CNIH3: variants seen among roughly 807,000 people sequenced by gnomAD.
CNIH3 encodes the protein cornichon family AMPA receptor auxiliary protein 3, also known as protein cornichon homolog 3.
CNIH3 carries 14 observed loss-of-function variants against 24.1 expected under a neutral mutation model. The ratio of observed to expected loss-of-function variants is 0.58; its 90% CI spans 0.38 to 0.91. The LOEUF is 0.91. Among genes scored for constraint, CNIH3 ranks in the 40% least tolerant of loss-of-function variants. CNIH3 has a pLI of 0.00. For missense variants in CNIH3, 178 were observed against 196.8 expected (o/e 0.90, Z 0.57); for synonymous variants, 68 against 73.8 (o/e 0.92, Z 0.40).
chr1:224,458,407 G>A lies in CNIH3; in HGVS notation n.203+23545G>A, dbSNP rs543038125. Among the ~76,000 whole-genome samples, 1 of 152,330 alleles carries A rather than the reference G, an allele frequency of 6.6e-6. No homozygotes were observed. Among genetic ancestry groups the A allele is most frequent in the African/African-American group, 2.4e-5 (1 of 41,570 alleles). On this transcript the variant is annotated intron_variant and non_coding_transcript_variant, in intron 1 of 5. Transcript: ENST00000471578. This position sits in a 1 kb window ranked among gnomAD's most constrained non-coding sequence, Gnocchi z 4.3. ...CCCCGTCCCTCATCCTACCAGGTGT[G>A]AGGCTGCCAGGAGCCGATCGCACAA...
At chr1:224,442,313 G>A (rs1349082659) in intron 1 of CNIH3, among the ~76,000 whole-genome samples, 2 of 152,070 alleles carry the variant, frequency 1.3e-5, no homozygotes, top group Non-Finnish European at 2.9e-5. Flanking sequence ...TCTCTTACTG[G>A]GGTTTGTATC....
intron 2 of CNIH3, among the ~76,000 whole-genome samples, chr1:224,524,964 T>C (rs1342122075): frequency 1.3e-5 from 2 of 152,168 alleles, no homozygotes; most frequent in African/African-American, 4.8e-5. Flanking sequence ...TGTTAGACTA[T>C]AGGATATAAA....
intron 1 of CNIH3, among the ~76,000 whole-genome samples, chr1:224,670,451 G>A (rs1053884500): frequency 1.2e-4 from 18 of 152,148 alleles, no homozygotes; most frequent in African/African-American, 4.1e-4. Context: ...ATCCTTTTGT[G>A]GAGTCTGTTA....
At position 224,699,629 on chromosome 1, in the gene CNIH3, G is replaced by T. The variant is rs141451952; in HGVS notation, c.198+14786G>T. 2.2e-3 allele frequency among the ~76,000 whole-genome samples: 339 copies of T among 152,250 alleles called. 1 individual carries two copies. Among genetic ancestry groups the T allele is most frequent in the African/African-American group, 7.7e-3 (318 of 41,536 alleles). On this transcript the variant is annotated intron_variant, in intron 3 of 5. Transcript: ENST00000272133. The stretch of plus-strand genomic sequence containing the variant: ...AGGACACTAGTCATACCAGGTTAGG[G>T]TCTATAGGGTAAATCCATCTGACAG...
At chr1:224,548,841 C>T (rs182073572) in intron 3 of CNIH3, among the ~76,000 whole-genome samples, 25 of 151,848 alleles carry the variant, frequency 1.6e-4, no homozygotes, top group African/African-American at 6.0e-4. Flanking sequence ...GGGGTGTACA[C>T]CCTGTGTGTA....
intron 1 of CNIH3, among the ~76,000 whole-genome samples, chr1:224,619,241 A>G (rs1279965837): frequency 1.3e-5 from 2 of 152,212 alleles, no homozygotes; most frequent in African/African-American, 2.4e-5. Context: ...GAACAGCTTC[A>G]TTGAGTGGTT....
intron 3 of CNIH3, among the ~76,000 whole-genome samples, chr1:224,598,568 G>A (rs1241257675): frequency 6.6e-6 from 1 of 152,158 alleles, no homozygotes; most frequent in Non-Finnish European, 1.5e-5. Context: ...TTTCACGAAA[G>A]GAAGAGTCAA....
chr1:224,444,916 T>A (rs1327094518), intron 1 of CNIH3, among the ~76,000 whole-genome samples: 4 of 151,650 alleles, frequency 2.6e-5, no homozygotes, highest in Non-Finnish European at 5.9e-5. Flanking sequence ...GTGCTGGGAT[T>A]ACAGGCATAA....
intron 1 of CNIH3, among the ~76,000 whole-genome samples, chr1:224,490,208 T>A (rs1167668521): frequency 6.6e-6 from 1 of 152,210 alleles, no homozygotes; most frequent in Non-Finnish European, 1.5e-5. Context: ...GAGTTTACTG[T>A]TTATGGTGGA....
chr1:224,505,032 C>CCCTTCCTTCCTTCCTTCCTTCCTT (rs1181782404), intron 1 of CNIH3, among the ~76,000 whole-genome samples: 11 of 45,882 alleles, frequency 2.4e-4, no homozygotes, highest in South Asian at 8.4e-4. Flanking sequence ...CTCCCTCCCT[C>CCCTTCCTTCCTTCCTTCCTTCCTT]CCTTCCTTCC....
chr1:224,681,006 CA>C lies in CNIH3; in HGVS notation c.131del (p.Gln44ArgfsTer11). Reference protein sequence around the residue: ...LRTDFKSPIDQCNPVHARERL... With the variant: ...LRTDFKSPIDXCNPVHARERL... ...GACAGATTTTAAGAGCCCCATAGAC[CA>C]GTGCAATCCTGTTCATGCGGTAAGT... is the stretch of plus-strand genomic sequence containing the variant. On this transcript the variant is annotated frameshift_variant, in exon 2 of 6. Transcript: ENST00000272133. LOFTEE classifies it high-confidence loss of function. 2 of 1,614,038 alleles carry C rather than the reference CA, an allele frequency of 1.2e-6. No homozygotes were observed. Among genetic ancestry groups the C allele is most frequent in the Non-Finnish European group, 1.7e-6 (2 of 1,179,910 alleles).
At chr1:224,575,172 A>G (rs1680983402) in intron 4 of CNIH3, 1 of 1,059,690 alleles carries the variant, frequency 9.4e-7, no homozygotes, top group African/African-American at 1.5e-5. Flanking sequence ...CAATAAAACT[A>G]CAGCCCAGGT....
At chr1:224,655,080 A>C (rs1685036621) in intron 1 of CNIH3, among the ~76,000 whole-genome samples, 1 of 152,204 alleles carries the variant, frequency 6.6e-6, no homozygotes, top group Non-Finnish European at 1.5e-5. Context: ...ATGATGTGGC[A>C]CCAGGATCTA....
Position 224,473,271 on chromosome 1 carries a change from GAGA to G in CNIH3, n.203+38413_203+38415del, listed in dbSNP as rs578117709. On this transcript the variant is annotated intron_variant and non_coding_transcript_variant, in intron 1 of 5. Transcript: ENST00000471578. ...AGGAAGACAGGAAGGAAGGAAATAA[GAGA>G]AGACCATAAAACAACCAGGAAACAA... 6.6e-3 allele frequency among the ~76,000 whole-genome samples: 1,008 copies of G among 152,124 alleles called. 8 individuals are homozygous for G. The highest frequency in any genetic ancestry group is 0.01 in the Non-Finnish European group (707 of 67,950).
chr1:224,549,315 T>TAAC (rs1401564263), intron 3 of CNIH3, among the ~76,000 whole-genome samples: 1 of 152,100 alleles, frequency 6.6e-6, no homozygotes. Flanking sequence ...GTTTCCTTAA[T>TAAC]AACACAGTGT....
rs76933102 is a variant in CNIH3, at chr1:224,659,282, G to A, written c.82-21676G>A. Among the ~76,000 whole-genome samples, 1,389 of 152,258 alleles carry A rather than the reference G, an allele frequency of 9.1e-3. 8 individuals carry two copies. The highest frequency in any genetic ancestry group is 0.014 in the Non-Finnish European group (976 of 68,018). On this transcript the variant is annotated intron_variant, in intron 1 of 5. Transcript: ENST00000272133. ...TTTCAGACCCAGGAGTCAGTGCCCC[G>A]TAACTTAATAGCACAAGGACTTTAA...
chr1:224,554,468 A>G (rs182390420), intron 3 of CNIH3, among the ~76,000 whole-genome samples: 1 of 152,094 alleles, frequency 6.6e-6, no homozygotes, highest in Non-Finnish European at 1.5e-5. Flanking sequence ...AAGATTTTTT[A>G]AAAAAATGGG....
At chr1:224,463,773 A>ATTTTT (rs56137320) in intron 1 of CNIH3, among the ~76,000 whole-genome samples, 540 of 20,730 alleles carry the variant, frequency 0.026, 94 homozygotes, top group Middle Eastern at 0.059. Context: ...AATTGTCCTC[A>ATTTTT]TTTTTTTTTT....
intron 3 of CNIH3, among the ~76,000 whole-genome samples, chr1:224,605,053 A>G (rs1682362973): frequency 1.3e-5 from 2 of 152,210 alleles, no homozygotes; most frequent in African/African-American, 4.8e-5. Context: ...AGGCTAAAGC[A>G]AAGACACCAC....
Sources: gnomAD v4.1 joint callset for allele counts (sites outside exome capture counted in the v4.1 genomes callset) on GRCh38, gnomAD v4.1.1 for gene constraint, Gnocchi (gnomAD v3.1) non-coding constraint, MANE v1.5 for transcripts, NCBI Gene and HGNC (gene_info 2026-07-23, HGNC 2026-07-21) for gene names.